Variants in OGG1 observed in about 807,000 individuals in gnomAD.
OGG1 encodes the protein 8-oxoguanine DNA glycosylase.
OGG1 carries 35 observed loss-of-function variants against 42.3 expected under a neutral mutation model. The observed-to-expected ratio is 0.83, with a 90% CI of 0.63 to 1.10. The LOEUF (loss-of-function observed/expected upper bound fraction) is 1.10, where lower values mean the gene tolerates loss of function less well. OGG1 is among the 50% of genes least tolerant of loss of function. OGG1 has a pLI of 0.00. For synonymous variants in OGG1, 189 were observed against 179.0 expected (o/e 1.06, Z -0.44); for missense variants, 484 against 446.7 (o/e 1.08, Z -0.75).
rs3219012 is a variant in OGG1, at chr3:9,756,586, C to G, written c.863C>G (p.Ala288Gly). 1 of 1,614,114 alleles carries G rather than the reference C, an allele frequency of 6.2e-7. No individual in the cohort carries two copies. The highest frequency in any genetic ancestry group is 1.1e-5 in the South Asian group (1 of 91,080). Reference sequence around the variant, plus strand: ...AGCTGGCACCCTACCACGTCCCAGGCGAAGGGACCGAGCCCCCAGACCAAC... The same window carrying G: ...AGCTGGCACCCTACCACGTCCCAGGGGAAGGGACCGAGCCCCCAGACCAAC... ...DYSWHPTTSQ[A>G]KGPSPQTNKE... is the part of the protein sequence containing the mutation. Residue 288 changes from alanine (A) to glycine (G), a missense_variant, in exon 5 of 7, where the codon GCG becomes GGG. Coordinates refer to ENST00000344629, the MANE Select transcript of OGG1 (RefSeq NM_002542.6).
intron 3 of OGG1, among the ~76,000 whole-genome samples, chr3:9,785,778 G>A (rs886563391): frequency 6.6e-6 from 1 of 152,194 alleles, no homozygotes; most frequent in Non-Finnish European, 1.5e-5. Context: ...TTTCCTCCAC[G>A]GCAGCTAGGC....
At chr3:9,783,287 G>A (rs1033170127) in intron 3 of OGG1, 1 of 151,010 alleles carries the variant, frequency 6.6e-6, no homozygotes, top group South Asian at 2.1e-4. Context: ...CTACTAAACT[G>A]TACACTTAAA....
intron 2 of OGG1, chr3:9,780,355 G>A (rs757244396): frequency 8.7e-6 from 14 of 1,611,174 alleles, no homozygotes; most frequent in Admixed American, 1.7e-5. Flanking sequence ...CAGGGGTGAG[G>A]GCTACCCATC....
In OGG1 at chr3:9,750,961, C is replaced by T; in HGVS notation, c.154C>T (p.Pro52Ser). ...TGGGCTCAGGTGGAGGGAGCAAAGT[C>T]CTGCACACTGGAGTGGTGTACTAGC... ...GQSFRWREQS[P>S]AHWSGVLADQ... The change falls in exon 2 of 7, where the codon CCT becomes TCT. Residue 52 changes from proline to serine, a missense_variant. Pro to Ser is a moderately conservative substitution (Grantham distance 74, BLOSUM62 -1). Coordinates refer to ENST00000344629, the MANE Select transcript of OGG1 (RefSeq NM_002542.6). 1 of 1,614,016 alleles carries T rather than the reference C, an allele frequency of 6.2e-7. No individual in the cohort carries two copies. The highest frequency in any genetic ancestry group is 1.1e-5 in the South Asian group (1 of 91,062).
At chr3:9,787,502 A>T in intron 3 of OGG1, 1 of 1,095,328 alleles carries the variant, frequency 9.1e-7, no homozygotes, top group East Asian at 2.6e-5. Flanking sequence ...TAAAACCTGT[A>T]CTTCACACTC....
At chr3:9,758,488 A>G (rs550607376), downstream of OGG1, 3 of 153,834 alleles carry the variant, frequency 2.0e-5, no homozygotes, top group Admixed American at 6.4e-5. Context: ...CTCCTAAATG[A>G]CTCCTGGATC....
intron 2 of OGG1, among the ~76,000 whole-genome samples, chr3:9,776,392 T>C (rs1345181048): frequency 7.1e-6 from 1 of 140,606 alleles, no homozygotes; most frequent in African/African-American, 2.8e-5. Flanking sequence ...TCTTTTCTTT[T>C]TTTTTTTTTT....
At chr3:9,773,529 C>T (rs929614814) in intron 2 of OGG1, among the ~76,000 whole-genome samples, 17 of 151,450 alleles carry the variant, frequency 1.1e-4, no homozygotes, top group East Asian at 1.9e-4. Flanking sequence ...GGCGACAGAG[C>T]GAGACTCCGT....
chr3:9,787,500 G>C, intron 3 of OGG1: 1 of 1,107,726 alleles, frequency 9.0e-7, no homozygotes, highest in Non-Finnish European at 1.3e-6. Flanking sequence ...GATAAAACCT[G>C]TACTTCACAC....
chr3:9,753,199 C>A (rs1442559298), intron 3 of OGG1, among the ~76,000 whole-genome samples: 1 of 151,788 alleles, frequency 6.6e-6, no homozygotes, highest in Non-Finnish European at 1.5e-5. Flanking sequence ...TAAAAATTAG[C>A]TGGGCGTGGT....
downstream of OGG1, chr3:9,790,000 G>A (rs2078697641): frequency 6.5e-7 from 1 of 1,544,110 alleles, no homozygotes; most frequent in African/African-American, 1.4e-5. Flanking sequence ...GGGGGAGAAG[G>A]GAAAACACAG....
chr3:9,774,361 A>G (rs1369350784), intron 2 of OGG1, among the ~76,000 whole-genome samples: 1 of 145,566 alleles, frequency 6.9e-6, no homozygotes, highest in African/African-American at 2.6e-5. Context: ...TTGAGCTGAG[A>G]TTGCACCATT....
intron 3 of OGG1, chr3:9,784,088 C>T: frequency 1.2e-6 from 2 of 1,614,188 alleles, no homozygotes; most frequent in Non-Finnish European, 1.7e-6. Context: ...CTCAGCCTGC[C>T]GTTTGCGAAG....
rs1360934596 is a variant in OGG1, at chr3:9,751,007, C to G, written c.200C>G (p.Thr67Ser). Residue 67 changes from threonine to serine, a missense_variant, in exon 2 of 7, where the codon ACT (threonine) becomes AGT (serine). Coordinates refer to ENST00000344629, the MANE Select transcript of OGG1 (RefSeq NM_002542.6). Reference sequence around the variant, plus strand: ...CTAGCGGATCAAGTATGGACACTGACTCAGACTGAGGAGCAGCTCCACTGC... The same window carrying G: ...CTAGCGGATCAAGTATGGACACTGAGTCAGACTGAGGAGCAGCTCCACTGC... ...GVLADQVWTL[T>S]QTEEQLHCTV... The G allele has an allele frequency of 6.2e-7, 1 of 1,614,048 alleles. No individual in the cohort carries two copies. The highest frequency in any genetic ancestry group is 8.5e-7 in the Non-Finnish European group (1 of 1,179,962).
rs201018634 is a variant in OGG1 at position 9,763,251 on chromosome 3, G to A, written c.1049-2558G>A. 195 of 1,612,986 alleles carry A rather than the reference G, an allele frequency of 1.2e-4. 1 individual carries two copies. In the East Asian group the frequency reaches 2.7e-3, roughly 22 times the overall value. ...ATGAGGTGGTTTAGCCAGGCATGGC[G>A]GTGTGCACCTGTAGTCCAAGCTACT... On this transcript the variant is annotated intron_variant, in intron 7 of 7. Coordinates refer to the OGG1 transcript ENST00000302008.
At chr3:9,780,055 G>T in intron 2 of OGG1, 1 of 293,294 alleles carries the variant, frequency 3.4e-6, no homozygotes, top group South Asian at 1.2e-4. Flanking sequence ...GGAGACAGGG[G>T]TAGGGGATTA....
intron 3 of OGG1, chr3:9,787,256 C>T (rs2125623999): frequency 6.2e-7 from 1 of 1,614,224 alleles, no homozygotes; most frequent in Non-Finnish European, 8.5e-7. Context: ...TCAGCCACAG[C>T]CGCTGCCCGG....
downstream of OGG1, chr3:9,758,019 TACAC>T (rs148476977): frequency 2.1e-6 from 2 of 946,958 alleles, no homozygotes; most frequent in Admixed American, 3.0e-5. Context: ...ATTATATATT[TACAC>T]ACACACACGC....
At chr3:9,759,309 G>C (rs142058092), downstream of OGG1, 3 of 1,594,156 alleles carry the variant, frequency 1.9e-6, no homozygotes, top group Non-Finnish European at 2.6e-6. Context: ...CTCTGGAATA[G>C]AGAAGGTGTT....
Sources: gnomAD v4.1 joint callset for allele counts (sites outside exome capture counted in the v4.1 genomes callset) on GRCh38, gnomAD v4.1.1 for gene constraint, MANE v1.5 for transcripts, NCBI Gene and HGNC (gene_info 2026-07-23, HGNC 2026-07-21) for gene names.